The following KANK4 variants were observed in gnomAD, a reference collection of about 807,000 sequenced individuals.
KANK4 encodes the protein KN motif and ankyrin repeat domains 4.
Under a neutral mutation model 80.8 loss-of-function variants are expected in KANK4, and 50 were observed. That is an observed-to-expected ratio of 0.62 (90% confidence interval 0.49 to 0.78). The LOEUF (loss-of-function observed/expected upper bound fraction) is 0.78. Ranked by LOEUF, KANK4 falls within the 30% of genes least tolerant of loss-of-function variation. The probability of loss-of-function intolerance (pLI) is 0.00; values close to 1 mark genes in which losing one functional copy is unlikely to be tolerated. For missense variants in KANK4, 1,196 were observed against 1,240.1 expected, an observed-to-expected ratio of 0.96 and a Z score of 0.53; for synonymous variants, 465 against 506.9, an observed-to-expected ratio of 0.92 and a Z score of 1.11.
chr1:62,275,900 AAG>A (rs1672302335), intron 2 of KANK4, among the ~76,000 whole-genome samples: 1 of 142,214 alleles, frequency 7.0e-6, no homozygotes, highest in South Asian at 2.5e-4. Flanking sequence ...AAGGAAGGGG[AAG>A]GGGAAGGGGA....
chr1:62,315,153 T>A (rs1571060832), intron 1 of KANK4, among the ~76,000 whole-genome samples: 1 of 152,310 alleles, frequency 6.6e-6, no homozygotes, highest in Non-Finnish European at 1.5e-5. Flanking sequence ...ATTGGCGTCC[T>A]GAGGCACAGA....
intron 8 of KANK4, among the ~76,000 whole-genome samples, chr1:62,251,383 A>T (rs1671613834): frequency 6.6e-6 from 1 of 152,224 alleles, no homozygotes; most frequent in Admixed American, 6.5e-5. Context: ...GTGGGGTAAA[A>T]GCCCAGACTC....
rs138015531 is a variant in KANK4 at position 62,268,475 on chromosome 1, G to A, written c.2043C>T (p.Ser681=). Residue 681 remains serine, a synonymous_variant, in exon 5 of 10, where the codon AGC becomes AGT. Transcript: ENST00000371153. ...GYETTSSEET[S]GEDSTPEDLS... ...AGTCCTCTGGGGTGCTGTCCTCACC[G>A]CTGGTCTCCTCACTTGAGGTGGTCT... 9.9e-6 allele frequency: 16 copies of A among 1,613,524 alleles called. No homozygotes were observed. The highest frequency in any genetic ancestry group is 5.3e-5 in the African/African-American group (4 of 74,920).
At chr1:62,300,029 C>T (rs1376394456) in intron 1 of KANK4, among the ~76,000 whole-genome samples, 1 of 152,116 alleles carries the variant, frequency 6.6e-6, no homozygotes, top group East Asian at 1.9e-4. Context: ...GGCCTCCCAC[C>T]TGCCAAGCCC....
chr1:62,289,020 C>T (rs1434140040), intron 1 of KANK4, among the ~76,000 whole-genome samples: 3 of 152,202 alleles, frequency 2.0e-5, no homozygotes, highest in African/African-American at 7.2e-5. Context: ...ATCCAAACAG[C>T]ATCCTATTCC....
chr1:62,319,082 G>A (rs1038925166), intron 1 of KANK4, 24 bp downstream of exon 1: 3 of 152,264 alleles, frequency 2.0e-5, no homozygotes, highest in African/African-American at 4.8e-5. Context: ...CACTGCGGGG[G>A]ACTGGGGTCG....
rs1011376369 is a variant in KANK4 at position 62,253,337 on chromosome 1, C to A, written c.2540-128G>T. ...TGGACTAGAGCAATGCTTTCCACAG[C>A]TGGAGCCAGTGGTTTACATTTGTAG... is the stretch of plus-strand genomic sequence containing the variant. On this transcript the variant is annotated intron_variant, in intron 7 of 9. Coordinates refer to ENST00000371153, the MANE Select transcript of KANK4 (RefSeq NM_181712.5). 1.7e-5 allele frequency: 12 copies of A among 703,524 alleles called. 1 individual carries two copies. In the South Asian group the frequency reaches 2.0e-4, roughly 11 times the overall value. 43.6% of individuals were successfully genotyped at this position (703,524 alleles called of 1,614,324 possible). A position where few individuals can be genotyped will look rare whatever the true frequency, so the allele number is the denominator to read the frequency against.
chr1:62,274,349 A>G lies in KANK4; in HGVS notation c.755T>C (p.Phe252Ser). 6.2e-7 allele frequency: 1 copy of G among 1,614,164 alleles called. No homozygotes were observed. The highest frequency in any genetic ancestry group is 8.5e-7 in the Non-Finnish European group (1 of 1,180,028). The part of the protein sequence containing the change: ...PNHLPLPGPP[F>S]SFQNVLVVLE... ...AACTACAAGCACATTCTGGAATGAG[A>G]AAGGAGGGCCTGGGAGAGGGAGGTG... is the stretch of plus-strand genomic sequence containing the variant. Residue 252 changes from phenylalanine to serine, a missense_variant, in exon 3 of 10, where the codon TTC becomes TCC. By Grantham distance (155) the Phe-to-Ser change is radical. Coordinates refer to ENST00000371153, the MANE Select transcript of KANK4 (RefSeq NM_181712.5).
intron 2 of KANK4, among the ~76,000 whole-genome samples, chr1:62,276,981 T>C (rs937821332): frequency 6.6e-5 from 10 of 152,168 alleles, no homozygotes; most frequent in African/African-American, 2.4e-4. Context: ...TTAAGGGTAG[T>C]AGGCCCTAGG....
chr1:62,271,920 T>C (rs911703870), intron 3 of KANK4: 4 of 288,930 alleles, frequency 1.4e-5, no homozygotes, highest in Non-Finnish European at 2.7e-5. Context: ...GAGCAGAACG[T>C]AGGCCTCTGG....
At chr1:62,294,933 G>A (rs979021076) in intron 1 of KANK4, among the ~76,000 whole-genome samples, 2 of 152,186 alleles carry the variant, frequency 1.3e-5, no homozygotes, top group Non-Finnish European at 1.5e-5. Flanking sequence ...TGTTCCATCC[G>A]GTAATACAAA....
chr1:62,301,636 G>T (rs1239127996), intron 1 of KANK4, among the ~76,000 whole-genome samples: 1 of 151,858 alleles, frequency 6.6e-6, no homozygotes, highest in Non-Finnish European at 1.5e-5. Flanking sequence ...GTGTGTTTAG[G>T]TTCCCTAACT....
rs1245268091 is a variant in KANK4 at position 62,268,414 on chromosome 1, G to T, written c.2104C>A (p.Pro702Thr). ...GCATCTTTGACATGCTTGTGATCTGGGCCGTCACACTTCTTCTCTGCCTCG... is the reference window on the plus strand; with the variant it reads ...GCATCTTTGACATGCTTGTGATCTGTGCCGTCACACTTCTTCTCTGCCTCG... ...DSEAEKKCDGPDHKHVKDAHL... is the reference protein window; with the variant it reads ...DSEAEKKCDGTDHKHVKDAHL... The change falls in exon 5 of 10, where the codon CCA becomes ACA. Residue 702 changes from proline (P) to threonine (T), a missense_variant. Physicochemically the swap from Pro to Thr is conservative, Grantham distance 38. Coordinates refer to ENST00000371153, the MANE Select transcript of KANK4 (RefSeq NM_181712.5). The T allele has an allele frequency of 6.2e-7, 1 of 1,613,918 alleles. No individual in the cohort carries two copies. Among genetic ancestry groups the T allele is most frequent in the East Asian group, 2.2e-5 (1 of 44,862 alleles).
At chr1:62,251,760 G>A (rs1324724412) in intron 8 of KANK4, among the ~76,000 whole-genome samples, 1 of 152,172 alleles carries the variant, frequency 6.6e-6, no homozygotes, top group African/African-American at 2.4e-5. Flanking sequence ...TTGAAAGCCC[G>A]AGGCGGGTGG....
At position 62,273,520 on chromosome 1, in the gene KANK4, TCTGTCG is replaced by T; in HGVS notation, c.1578_1583del (p.Ser526_Asp527del). 6.2e-7 allele frequency: 1 copy of T among 1,613,662 alleles called. No homozygotes were observed. Among genetic ancestry groups the T allele is most frequent in the East Asian group, 2.2e-5 (1 of 44,858 alleles). On this transcript the variant is annotated inframe_deletion, in exon 3 of 10. Transcript: ENST00000371153. ...CCTCCCTCCCTGCTGGGGGAGTCTTTCTGTCGCTGCCCCACAGAAAGCCTCCTGCTC... is the reference window on the plus strand; with the variant it reads ...CCTCCCTCCCTGCTGGGGGAGTCTTTCTGCCCCACAGAAAGCCTCCTGCTC...
intron 1 of KANK4, among the ~76,000 whole-genome samples, chr1:62,288,951 A>G (rs1672626087): frequency 6.6e-6 from 1 of 152,362 alleles, no homozygotes; most frequent in African/African-American, 2.4e-5. Flanking sequence ...ATTAATAAAA[A>G]AGATGTCAGA....
At position 62,268,401 on chromosome 1, in the gene KANK4, T is replaced by C; in HGVS notation, c.2117A>G (p.His706Arg). 2 of 1,614,056 alleles carry C rather than the reference T, an allele frequency of 1.2e-6. No homozygotes were observed. Among genetic ancestry groups the C allele is most frequent in the Non-Finnish European group, 1.7e-6 (2 of 1,180,010 alleles). ...EKKCDGPDHK[H>R]VKDAHLTCEA... ...GCAGGTGAGATGGGCATCTTTGACA[T>C]GCTTGTGATCTGGGCCGTCACACTT... Residue 706 changes from histidine (H) to arginine (R), a missense_variant, in exon 5 of 10, where the codon CAT (histidine) becomes CGT (arginine). Transcript: ENST00000371153.
chr1:62,253,110 C>T lies in KANK4; in HGVS notation c.2639G>A (p.Trp880Ter). The T allele has an allele frequency of 6.2e-7, 1 of 1,614,026 alleles. No homozygotes were observed. Among genetic ancestry groups the T allele is most frequent in the African/African-American group, 1.3e-5 (1 of 75,052 alleles). The part of the protein sequence containing the change: ...AETNEDMAVV[W>*]KLLREGNVNI... ...CACATTTCCTTCTCTTAAGAGCTTC[C>T]AGACAACAGCCATGTCTTCATTGGT... Residue 880 changes from tryptophan to a stop codon, truncating the protein, a stop_gained, in exon 8 of 10, where the codon TGG becomes TAG. Coordinates refer to ENST00000371153, the MANE Select transcript of KANK4 (RefSeq NM_181712.5). LOFTEE classifies it high-confidence loss of function.
Position 62,319,150 on chromosome 1 carries a change from C to T in KANK4, c.-115G>A. The T allele has an allele frequency of 6.6e-6, 1 of 152,332 alleles. No homozygotes were observed. The highest frequency in any genetic ancestry group is 1.5e-5 in the Non-Finnish European group (1 of 68,034). 9.4% of individuals were successfully genotyped at this position (152,332 alleles called of 1,614,324 possible). On this transcript the variant is annotated 5_prime_UTR_variant, in exon 1 of 10. In the 5' UTR this introduces an upstream ATG that the reference lacks. Transcript: ENST00000371153. The stretch of plus-strand genomic sequence containing the variant: ...CCTGCGCGAGGCGGCCCGCGGTGCA[C>T]GGGGCCGGGGCAGCTAGGCGCACAC...
Sources: allele counts gnomAD v4.1 joint callset (sites outside exome capture counted in the v4.1 genomes callset), GRCh38; gene constraint gnomAD v4.1.1; transcripts MANE v1.5; gene names NCBI Gene and HGNC (gene_info 2026-07-23, HGNC 2026-07-21).